CACNA1C: variants seen among roughly 807,000 people sequenced by gnomAD.
CACNA1C encodes the protein voltage-dependent L-type calcium channel subunit alpha-1C.
A neutral mutation model predicts 229.0 loss-of-function variants in CACNA1C; 30 were observed. That is an observed-to-expected ratio of 0.13 (90% CI 0.10 to 0.18). The LOEUF (loss-of-function observed/expected upper bound fraction) is 0.18, where lower values mean the gene tolerates loss of function less well. Ranked by LOEUF, CACNA1C falls within the 10% of genes least tolerant of loss-of-function variation. CACNA1C has a pLI of 1.00. For missense variants in CACNA1C, 1,658 were observed against 2,845.0 expected (o/e 0.58, Z 9.49); for synonymous variants, 1,114 against 1,132.5 (o/e 0.98, Z 0.33).
intron 9 of CACNA1C, among the ~76,000 whole-genome samples, chr12:2,528,986 C>T (rs1346730543): frequency 6.6e-6 from 1 of 152,132 alleles, no homozygotes; most frequent in Non-Finnish European, 1.5e-5. Context: ...AGAGCTGACC[C>T]CAAGCTCTTG....
chr12:2,256,315 G>GCACAT (rs1388237452), intron 3 of CACNA1C, among the ~76,000 whole-genome samples: 5 of 152,190 alleles, frequency 3.3e-5, no homozygotes, highest in African/African-American at 1.2e-4. Flanking sequence ...GTCACCTTGG[G>GCACAT]CACATTGGTG....
At chr12:2,195,868 T>A (rs753814047) in intron 3 of CACNA1C, among the ~76,000 whole-genome samples, 5 of 152,204 alleles carry the variant, frequency 3.3e-5, no homozygotes, top group African/African-American at 9.6e-5. Context: ...AGTCCACTCC[T>A]TCATTTTATG....
In CACNA1C at chr12:2,678,840, A is replaced by G. The variant is rs2153798627; in HGVS notation, c.5092-604A>G. 6.6e-6 allele frequency among the ~76,000 whole-genome samples: 1 copy of G among 152,340 alleles called. No homozygotes were observed. Among genetic ancestry groups the G allele is most frequent in the South Asian group, 2.1e-4 (1 of 4,832 alleles). Reference sequence around the variant, plus strand: ...CAACCGTGCAAATAGCTACTTGCCCACTTCCCCAGGACAAGGAAAAGAATA... The same window carrying G: ...CAACCGTGCAAATAGCTACTTGCCCGCTTCCCCAGGACAAGGAAAAGAATA... On this transcript the variant is annotated intron_variant, in intron 41 of 46. Transcript: ENST00000399655. This position sits in a 1 kb window ranked among gnomAD's most constrained non-coding sequence, Gnocchi z 4.1.
At chr12:2,097,879 A>G (rs2074896721) in intron 1 of CACNA1C, among the ~76,000 whole-genome samples, 1 of 152,226 alleles carries the variant, frequency 6.6e-6, no homozygotes, top group Admixed American at 6.5e-5. Context: ...GGCACCAGAC[A>G]ACTGGGAGTG....
intron 13 of CACNA1C, among the ~76,000 whole-genome samples, chr12:2,574,398 C>T (rs1232222436): frequency 6.6e-6 from 1 of 152,240 alleles, no homozygotes; most frequent in Non-Finnish European, 1.5e-5. Flanking sequence ...TACCAGTTTA[C>T]TGATTGCATC....
rs2097104145 is a variant in CACNA1C at position 2,188,242 on chromosome 12, AATAGAAT to A, written c.477+67816_477+67822del. On this transcript the variant is annotated intron_variant, in intron 3 of 46. Transcript: ENST00000399655. ...GAAAATGCATCTACCTCGCACATCA[AATAGAAT>A]ATATTTGCTATAACACAATTGGGAA... is the stretch of plus-strand genomic sequence containing the variant. 2.0e-5 allele frequency among the ~76,000 whole-genome samples: 3 copies of A among 152,328 alleles called. No homozygotes were observed. The South Asian group carries it at 6.2e-4, about 32-fold the overall frequency.
At chr12:1,997,913 T>C (rs996018213) in intron 1 of CACNA1C, 2 of 1,583,544 alleles carry the variant, frequency 1.3e-6, no homozygotes, top group African/African-American at 2.7e-5. Context: ...TTAGTTTCTT[T>C]ATAAAAGTGA....
rs369414971 is a variant in CACNA1C at position 2,651,556 on chromosome 12, G to A, written c.3946-84G>A. The A allele has an allele frequency of 5.2e-5, 84 of 1,609,054 alleles. No individual in the cohort carries two copies. The highest frequency in any genetic ancestry group is 7.0e-5 in the Non-Finnish European group (82 of 1,176,286). On this transcript the variant is annotated intron_variant, in intron 31 of 46. Transcript: ENST00000399655. This position sits in a 1 kb window ranked among gnomAD's most constrained non-coding sequence, Gnocchi z 5.4. ...GCCTGCCTTCCGCCACTGCCACTGA[G>A]GTCTGTATTTCTCGGAGGGGCCCTC...
intron 9 of CACNA1C, among the ~76,000 whole-genome samples, chr12:2,533,992 T>C (rs1201870944): frequency 2.0e-5 from 3 of 152,132 alleles, no homozygotes; most frequent in African/African-American, 2.4e-5. Flanking sequence ...GCACAAATAG[T>C]AAATGCCTCA....
Position 2,589,128 on chromosome 12 carries a change from G to A in CACNA1C, c.2530+3224G>A, listed in dbSNP as rs146587170. 3.2e-4 allele frequency among the ~76,000 whole-genome samples: 49 copies of A among 152,322 alleles called. 2 individuals are homozygous for A. Among genetic ancestry groups the A allele is most frequent in the African/African-American group, 1.2e-3 (48 of 41,582 alleles). On this transcript the variant is annotated intron_variant, in intron 18 of 46. Coordinates refer to ENST00000399655, the MANE Select transcript of CACNA1C (RefSeq NM_000719.7). ...TAGATATTCATGAACTACTCATGAA[G>A]CATTTAATGTGTGCCAGGCACTGTG...
At chr12:2,578,658 C>T (rs1475974212) in intron 13 of CACNA1C, among the ~76,000 whole-genome samples, 3 of 152,190 alleles carry the variant, frequency 2.0e-5, no homozygotes, top group African/African-American at 7.2e-5. Flanking sequence ...AGGAAGATGA[C>T]TCCGAGGACT....
Position 2,605,228 on chromosome 12 carries a change from C to T in CACNA1C, c.3048+60C>T. The T allele has an allele frequency of 8.3e-7, 1 of 1,199,682 alleles. No homozygotes were observed. Among genetic ancestry groups the T allele is most frequent in the Non-Finnish European group, 1.2e-6 (1 of 805,486 alleles). 74.3% of individuals were successfully genotyped at this position (1,199,682 alleles called of 1,614,324 possible). A position where few individuals can be genotyped will look rare whatever the true frequency, so the allele number is the denominator to read the frequency against. On this transcript the variant is annotated intron_variant, in intron 23 of 46. Transcript: ENST00000399655. The surrounding 1 kb of genome is among the most constrained non-coding windows in gnomAD (Gnocchi z 6.2). ...AGCCCATTGGGGAGTGGGAGCTCCA[C>T]AGAGGTGAGGGGTGGGTTGGAAGGA...
In CACNA1C at chr12:2,346,364, G is replaced by A. The variant is rs1438877225; in HGVS notation, c.478-102612G>A. Among the ~76,000 whole-genome samples, 1 of 152,030 alleles carries A rather than the reference G, an allele frequency of 6.6e-6. No individual in the cohort carries two copies. Among genetic ancestry groups the A allele is most frequent in the Non-Finnish European group, 1.5e-5 (1 of 68,020 alleles). Reference sequence around the variant, plus strand: ...TGTGCCTATGTATGTCTCTGTGTTTGTGTGTTTGTGTGTCTATGTCTGTGT... The same window carrying A: ...TGTGCCTATGTATGTCTCTGTGTTTATGTGTTTGTGTGTCTATGTCTGTGT... On this transcript the variant is annotated intron_variant, in intron 3 of 46. Transcript: ENST00000399655. The surrounding 1 kb of genome is among the most constrained non-coding windows in gnomAD (Gnocchi z 4.4).
In CACNA1C at chr12:2,426,015, A is replaced by G. The variant is rs544721611; in HGVS notation, c.478-22961A>G. On this transcript the variant is annotated intron_variant, in intron 3 of 46. Transcript: ENST00000399655. ...CTATGTTCCTCATATTCTCGAAGGCATTTGTGGTGGGACTGAGAAATTAGC... is the reference window on the plus strand; with the variant it reads ...CTATGTTCCTCATATTCTCGAAGGCGTTTGTGGTGGGACTGAGAAATTAGC... 1.7e-3 allele frequency among the ~76,000 whole-genome samples: 252 copies of G among 152,224 alleles called. 1 individual carries two copies. Among genetic ancestry groups the G allele is most frequent in the Non-Finnish European group, 3.1e-3 (212 of 68,020 alleles).
At chr12:2,355,082 G>A (rs142505630) in intron 3 of CACNA1C, among the ~76,000 whole-genome samples, 43 of 151,940 alleles carry the variant, frequency 2.8e-4, no homozygotes, top group Non-Finnish European at 4.1e-4. Flanking sequence ...AACTCTGCCC[G>A]CTTCCCCGGG....
intron 3 of CACNA1C, among the ~76,000 whole-genome samples, chr12:2,187,895 G>A (rs1306863573): frequency 6.6e-6 from 1 of 152,228 alleles, no homozygotes; most frequent in Non-Finnish European, 1.5e-5. Context: ...CTGCCCCCAG[G>A]ACGGGGACTG....
chr12:2,238,295 A>T (rs2068312445), intron 3 of CACNA1C, among the ~76,000 whole-genome samples: 2 of 152,258 alleles, frequency 1.3e-5, no homozygotes, highest in South Asian at 4.1e-4. Flanking sequence ...TCCCACGGAA[A>T]TAACGGTGCT....
At chr12:2,674,363 G>GGAAGA in intron 38 of CACNA1C, 178 bp from the exon 39 acceptor site, 9 of 852,280 alleles carry the variant, frequency 1.1e-5, no homozygotes, top group Non-Finnish European at 1.6e-5. Context: ...CAGAGGAAGG[G>GGAAGA]GAAGAGGAAG....
At chr12:2,292,234 A>G (rs901157392) in intron 3 of CACNA1C, among the ~76,000 whole-genome samples, 2 of 152,232 alleles carry the variant, frequency 1.3e-5, no homozygotes, top group Non-Finnish European at 1.5e-5. Flanking sequence ...TCTGTGTACA[A>G]TAGTGAGTGA....
Sources: gnomAD v4.1 joint callset for allele counts (sites outside exome capture counted in the v4.1 genomes callset) on GRCh38, gnomAD v4.1.1 for gene constraint, Gnocchi (gnomAD v3.1) non-coding constraint, MANE v1.5 for transcripts, NCBI Gene and HGNC (gene_info 2026-07-23, HGNC 2026-07-21) for gene names.